The following DOCK9 variants were observed in gnomAD, a reference collection of about 807,000 sequenced individuals.
DOCK9 encodes dedicator of cytokinesis 9, also known as dedicator of cytokinesis protein 9.
Under a neutral mutation model 263.3 loss-of-function variants are expected in DOCK9, and 89 were observed. That is an observed-to-expected ratio of 0.34 (90% CI 0.28 to 0.40). DOCK9 has a LOEUF of 0.40. Among genes scored for constraint, DOCK9 ranks in the 10% least tolerant of loss-of-function variants. The probability of loss-of-function intolerance (pLI) is 1.00; values close to 1 mark genes in which losing one functional copy is unlikely to be tolerated. For synonymous variants in DOCK9, 976 were observed against 973.1 expected (o/e 1.00, Z -0.06); for missense variants, 2,140 against 2,603.4 (o/e 0.82, Z 3.87).
intron 1 of DOCK9, among the ~76,000 whole-genome samples, chr13:99,014,515 G>A (rs1432149916): frequency 6.6e-6 from 1 of 152,120 alleles, no homozygotes; most frequent in African/African-American, 2.4e-5. Flanking sequence ...CCCGCAGGCT[G>A]GGACCACCCA....
At position 99,071,306 on chromosome 13, in the gene DOCK9, C is replaced by CTTTTTTTTTTTTTTTTTTTTT. The variant is rs71114578; in HGVS notation, c.129+14896_129+14916dup. On this transcript the variant is annotated intron_variant, in intron 1 of 32. Coordinates refer to the DOCK9 transcript ENST00000427887. ...TACAGGTGCTTGCCACCATGCCTGG[C>CTTTTTTTTTTTTTTTTTTTTT]TTTTTTTTTTTTTTTTTTTTTTTTT... Among the ~76,000 whole-genome samples the CTTTTTTTTTTTTTTTTTTTTT allele has an allele frequency of 3.6e-4, 18 of 49,330 alleles. 1 individual carries two copies. The East Asian group carries it at 4.0e-3, about 11-fold the overall frequency. 32.4% of individuals were successfully genotyped at this position (49,330 alleles called of 152,430 possible). A position where few individuals can be genotyped will look rare whatever the true frequency, so the allele number is the denominator to read the frequency against.
At chr13:99,001,415 T>C (rs1485367851) in intron 1 of DOCK9, among the ~76,000 whole-genome samples, 1 of 152,212 alleles carries the variant, frequency 6.6e-6, no homozygotes, top group Non-Finnish European at 1.5e-5. Context: ...CTTTTCATCC[T>C]CTTTCTGCCA....
chr13:98,813,077 T>A (rs2091472440), intron 45 of DOCK9, among the ~76,000 whole-genome samples: 1 of 152,220 alleles, frequency 6.6e-6, no homozygotes. Context: ...AATGAAGAAG[T>A]TAATTTTTGT....
At chr13:98,889,493 T>C (rs1475027708) in intron 15 of DOCK9, among the ~76,000 whole-genome samples, 8 of 152,248 alleles carry the variant, frequency 5.3e-5, no homozygotes, top group Non-Finnish European at 8.8e-5. Context: ...CGAAGCTCAC[T>C]GAAATTGTTG....
chr13:99,076,662 G>A (rs2041921076), intron 1 of DOCK9, among the ~76,000 whole-genome samples: 2 of 152,118 alleles, frequency 1.3e-5, no homozygotes, highest in African/African-American at 4.8e-5. Context: ...AGAAATGGGT[G>A]CAGGGAAGAG....
At chr13:99,078,970 C>CTA (rs1292462431) in intron 1 of DOCK9, among the ~76,000 whole-genome samples, 1 of 152,148 alleles carries the variant, frequency 6.6e-6, no homozygotes, top group Non-Finnish European at 1.5e-5. Flanking sequence ...ATGTTAAAGA[C>CTA]TAAACACAGA....
intron 27 of DOCK9, chr13:98,871,863 G>C (rs2094195852): frequency 6.5e-6 from 1 of 152,928 alleles, no homozygotes; most frequent in African/African-American, 2.4e-5. Flanking sequence ...CCACATGCGG[G>C]ATGCCATGCC....
intron 38 of DOCK9, 44 bp from the exon 39 acceptor site, chr13:98,837,653 G>T: frequency 7.1e-7 from 1 of 1,401,424 alleles, no homozygotes; most frequent in South Asian, 1.2e-5. Flanking sequence ...TGGTTCAGAA[G>T]GCAAGGCTGG....
chr13:98,842,309 G>A (rs1466549605), intron 38 of DOCK9, among the ~76,000 whole-genome samples: 1 of 152,158 alleles, frequency 6.6e-6, no homozygotes, highest in African/African-American at 2.4e-5. Context: ...AACTTCACAG[G>A]CAGCTCAGCA....
At chr13:98,886,171 A>T (rs1429961361) in intron 19 of DOCK9, among the ~76,000 whole-genome samples, 2 of 152,234 alleles carry the variant, frequency 1.3e-5, no homozygotes, top group African/African-American at 4.8e-5. Context: ...TCAATGAATT[A>T]CATTATATTT....
upstream of DOCK9, among the ~76,000 whole-genome samples, chr13:98,982,384 GACCC>G (rs1178065786): frequency 6.6e-6 from 1 of 152,146 alleles, no homozygotes; most frequent in Non-Finnish European, 1.5e-5. Flanking sequence ...CCATGCCCAA[GACCC>G]AGTTTAAATA....
chr13:98,983,968 T>C (rs1877854969), intron 1 of DOCK9, among the ~76,000 whole-genome samples: 1 of 152,208 alleles, frequency 6.6e-6, no homozygotes, highest in South Asian at 2.1e-4. Context: ...CACAGAAATG[T>C]AATCCACATT....
intron 1 of DOCK9, among the ~76,000 whole-genome samples, chr13:99,029,420 A>G (rs781339429): frequency 5.9e-5 from 9 of 152,192 alleles, no homozygotes; most frequent in Non-Finnish European, 1.3e-4. Flanking sequence ...TTTATACCTA[A>G]TAACAATTCT....
chr13:98,987,519 G>A (rs373281208), intron 1 of DOCK9, among the ~76,000 whole-genome samples: 3 of 152,184 alleles, frequency 2.0e-5, no homozygotes, highest in East Asian at 1.9e-4. Flanking sequence ...TACAAAACAA[G>A]TGAGGTTTAC....
chr13:98,817,451 C>CTGTTTTTTTT (rs2091947320), intron 45 of DOCK9, among the ~76,000 whole-genome samples: 1 of 97,632 alleles, frequency 1.0e-5, no homozygotes. Flanking sequence ...ATACACCCAG[C>CTGTTTTTTTT]TTTTTTTTTT....
Position 98,826,848 on chromosome 13 carries a change from C to A in DOCK9, c.5005G>T (p.Glu1669Ter). The change falls in exon 44 of 53, where the codon GAA becomes TAA. Residue 1669 changes from glutamate (E) to a stop codon, truncating the protein, a stop_gained. Coordinates refer to ENST00000682017, the MANE Select transcript of DOCK9 (RefSeq NM_001366683.2). LOFTEE classifies it high-confidence loss of function. ...TCCTTACCTTTCCGTGTGAGATATT[C>A]TGCCACTAGGGCTGTTACGTGGACA... ...CYVHVTALVA[E>*]YLTRKGVFRQ... The A allele has an allele frequency of 6.2e-7, 1 of 1,610,480 alleles. No homozygotes were observed. The highest frequency in any genetic ancestry group is 8.5e-7 in the Non-Finnish European group (1 of 1,178,366).
At chr13:99,067,061 C>T (rs924214572) in intron 1 of DOCK9, among the ~76,000 whole-genome samples, 3 of 152,186 alleles carry the variant, frequency 2.0e-5, no homozygotes, top group Non-Finnish European at 2.9e-5. Context: ...CCATCTGCAC[C>T]GGTCACAACC....
At position 98,804,987 on chromosome 13, in the gene DOCK9, T is replaced by C. The variant is rs1247481147; in HGVS notation, c.5725+12A>G. On this transcript the variant is annotated intron_variant, in intron 49 of 52. Transcript: ENST00000682017. The stretch of plus-strand genomic sequence containing the variant: ...TCCGGGCTCGTGTCCATGCGGCTTC[T>C]GGGGCCCATACCTGTCAGGATGGTG... 1.3e-6 allele frequency: 2 copies of C among 1,590,482 alleles called. No individual in the cohort carries two copies. The highest frequency in any genetic ancestry group is 8.6e-7 in the Non-Finnish European group (1 of 1,168,488).
chr13:99,058,953 T>C (rs2041057449), intron 1 of DOCK9, among the ~76,000 whole-genome samples: 1 of 152,168 alleles, frequency 6.6e-6, no homozygotes, highest in Admixed American at 6.5e-5. Context: ...CTCCTGGCTT[T>C]GGAAACACAC....
Sources: gnomAD v4.1 joint callset for allele counts (sites outside exome capture counted in the v4.1 genomes callset) on GRCh38, gnomAD v4.1.1 for gene constraint, MANE v1.5 for transcripts, NCBI Gene and HGNC (gene_info 2026-07-23, HGNC 2026-07-21) for gene names.